SLIT3: variants seen among roughly 807,000 people sequenced by gnomAD.
The protein encoded by SLIT3 is slit guidance ligand 3, also known as slit homolog 3 protein.
A neutral mutation model predicts 184.0 loss-of-function variants in SLIT3; 68 were observed. The observed-to-expected ratio is 0.37, with a 90% CI of 0.30 to 0.45. The LOEUF (loss-of-function observed/expected upper bound fraction) is 0.45. SLIT3 is among the 20% of genes least tolerant of loss of function. The pLI is 1.00. For missense variants in SLIT3, 1,707 were observed against 2,026.0 expected, an observed-to-expected ratio of 0.84 and a Z score of 3.02; for synonymous variants, 831 against 828.6, an observed-to-expected ratio of 1.00 and a Z score of -0.05.
intron 32 of SLIT3, among the ~76,000 whole-genome samples, chr5:168,674,558 C>T (rs551222585): frequency 2.2e-5 from 3 of 139,082 alleles, no homozygotes; most frequent in African/African-American, 8.1e-5. Flanking sequence ...GTAGCATGAT[C>T]TTGGCTCACT....
chr5:169,009,746 T>C (rs10038138), intron 4 of SLIT3, among the ~76,000 whole-genome samples: 35,257 of 152,164 alleles, frequency 0.23, 4,562 homozygotes, highest in East Asian at 0.51. Context: ...AAGTATATGC[T>C]TATCCCTCCC....
At chr5:169,223,345 T>C (rs1434636923) in intron 3 of SLIT3, among the ~76,000 whole-genome samples, 1 of 152,102 alleles carries the variant, frequency 6.6e-6, no homozygotes, top group Non-Finnish European at 1.5e-5. Context: ...CCAGCCAGAG[T>C]TGGGGACCTT....
intron 4 of SLIT3, among the ~76,000 whole-genome samples, chr5:168,900,688 T>C (rs1196893407): frequency 1.3e-5 from 2 of 152,110 alleles, no homozygotes; most frequent in African/African-American, 4.8e-5. Context: ...CTATTCACAA[T>C]AGTAAAGATA....
At chr5:168,739,646 G>A (rs1198092266) in intron 20 of SLIT3, among the ~76,000 whole-genome samples, 1 of 151,918 alleles carries the variant, frequency 6.6e-6, no homozygotes, top group African/African-American at 2.4e-5. Context: ...TAGGGACGGG[G>A]TTTCTCCATT....
At chr5:169,197,892 C>G (rs1167609056) in intron 3 of SLIT3, among the ~76,000 whole-genome samples, 1 of 152,092 alleles carries the variant, frequency 6.6e-6, no homozygotes, top group Non-Finnish European at 1.5e-5. Context: ...AGAAATAGGC[C>G]CTTGTCTTTG....
chr5:168,773,013 C>G (rs1414465806), intron 13 of SLIT3, 69 bp from the exon 14 acceptor site: 2 of 1,478,544 alleles, frequency 1.4e-6, no homozygotes, highest in African/African-American at 2.8e-5. Context: ...ACCACCCTGC[C>G]TCGCGCTGGG....
At chr5:168,858,637 GCTCCTGGCC>G (rs1405329440) in intron 5 of SLIT3, among the ~76,000 whole-genome samples, 1 of 152,256 alleles carries the variant, frequency 6.6e-6, no homozygotes, top group East Asian at 1.9e-4. Flanking sequence ...TCCCTCAGCT[GCTCCTGGCC>G]CTCCTGGCCC....
intron 4 of SLIT3, among the ~76,000 whole-genome samples, chr5:169,139,201 T>C (rs747086256): frequency 6.6e-5 from 10 of 152,238 alleles, no homozygotes; most frequent in Non-Finnish European, 1.3e-4. Flanking sequence ...GACTTTCTTG[T>C]GTACCTAGCA....
intron 4 of SLIT3, among the ~76,000 whole-genome samples, chr5:169,092,627 GT>G (rs1759634024): frequency 6.6e-6 from 1 of 152,174 alleles, no homozygotes. Context: ...TGAAAAAGCA[GT>G]GTCTGTCAGC....
At chr5:168,696,512 G>T (rs963159172) in intron 27 of SLIT3, 81 bp from the exon 28 acceptor site, 6 of 1,522,548 alleles carry the variant, frequency 3.9e-6, no homozygotes, top group Middle Eastern at 4.2e-4. Context: ...AGGAAGACAC[G>T]GGTGGGAAAT....
intron 20 of SLIT3, among the ~76,000 whole-genome samples, chr5:168,724,772 A>G (rs1484908121): frequency 6.6e-6 from 1 of 152,226 alleles, no homozygotes. Context: ...GAGCTGATAC[A>G]TAGTAGGTAT....
At chr5:169,097,020 T>C (rs1166301496) in intron 4 of SLIT3, among the ~76,000 whole-genome samples, 2 of 152,222 alleles carry the variant, frequency 1.3e-5, no homozygotes, top group Non-Finnish European at 2.9e-5. Flanking sequence ...GGTTTTTAGA[T>C]GGTTCTGGTG....
chr5:169,000,229 TA>T (rs1755657016), intron 4 of SLIT3, among the ~76,000 whole-genome samples: 1 of 151,602 alleles, frequency 6.6e-6, no homozygotes, highest in African/African-American at 2.4e-5. Context: ...TCGTTTCTAC[TA>T]AAAATACAAA....
At chr5:168,982,799 C>T (rs867174844) in intron 4 of SLIT3, among the ~76,000 whole-genome samples, 5 of 152,030 alleles carry the variant, frequency 3.3e-5, no homozygotes, top group Admixed American at 6.5e-5. Context: ...AGTGGTGCTT[C>T]GAAGGATCAT....
At chr5:168,697,077 AC>A in intron 27 of SLIT3, among the ~76,000 whole-genome samples, 1 of 152,206 alleles carries the variant, frequency 6.6e-6, no homozygotes, top group Non-Finnish European at 1.5e-5. Flanking sequence ...AATGCTCAGA[AC>A]CCATTAGCAA....
At chr5:169,015,911 T>A (rs1030633539) in intron 4 of SLIT3, among the ~76,000 whole-genome samples, 59 of 144,314 alleles carry the variant, frequency 4.1e-4, no homozygotes, top group Non-Finnish European at 7.5e-4. Context: ...TAGAATGAGA[T>A]TCTGACTCAG....
At chr5:169,272,300 C>T (rs913010176) in intron 1 of SLIT3, among the ~76,000 whole-genome samples, 10 of 152,254 alleles carry the variant, frequency 6.6e-5, no homozygotes, top group African/African-American at 2.4e-4. Context: ...ATGTTCTCGG[C>T]TGCTTACGCA....
intron 4 of SLIT3, among the ~76,000 whole-genome samples, chr5:168,907,890 T>TC (rs1175430200): frequency 8.8e-6 from 1 of 113,830 alleles, no homozygotes; most frequent in East Asian, 3.4e-4. Context: ...ATATATGATA[T>TC]ATATCATATA....
chr5:169,265,107 A>G (rs1766346731), intron 1 of SLIT3, among the ~76,000 whole-genome samples: 1 of 152,152 alleles, frequency 6.6e-6, no homozygotes, highest in Non-Finnish European at 1.5e-5. Context: ...CATCCCTTGC[A>G]CCAGGAGGAC....
Sources: gnomAD v4.1 joint callset for allele counts (sites outside exome capture counted in the v4.1 genomes callset) on GRCh38, gnomAD v4.1.1 for gene constraint, MANE v1.5 for transcripts, NCBI Gene and HGNC (gene_info 2026-07-23, HGNC 2026-07-21) for gene names.